The following JAKMIP2 variants were observed in gnomAD, a reference collection of about 807,000 sequenced individuals.
JAKMIP2 encodes the protein janus kinase and microtubule interacting protein 2, also known as janus kinase and microtubule-interacting protein 2.
In JAKMIP2, 25 loss-of-function variants were observed where a neutral mutation model predicts 115.0. That is an observed-to-expected ratio of 0.22 (90% CI 0.16 to 0.30). JAKMIP2 has a LOEUF of 0.30. Among genes scored for constraint, JAKMIP2 ranks in the 10% least tolerant of loss-of-function variants. The pLI is 1.00. For synonymous variants in JAKMIP2, 334 were observed against 343.6 expected (o/e 0.97, Z 0.31); for missense variants, 642 against 957.6 (o/e 0.67, Z 4.35).
chr5:147,645,077 A>T, intron 5 of JAKMIP2, 81 bp from the exon 6 acceptor site: 1 of 1,301,586 alleles, frequency 7.7e-7, no homozygotes, highest in Non-Finnish European at 1.1e-6. Context: ...GAGTGAAAGC[A>T]CCTCTGGAGA....
chr5:147,599,421 T>C (rs1333420674), intron 21 of JAKMIP2, among the ~76,000 whole-genome samples: 1 of 152,228 alleles, frequency 6.6e-6, no homozygotes, highest in Non-Finnish European at 1.5e-5. Context: ...CTCTAACCTC[T>C]CAGCCATTTT....
intron 20 of JAKMIP2, among the ~76,000 whole-genome samples, chr5:147,607,570 G>C (rs13289675): frequency 6.6e-6 from 1 of 152,152 alleles, no homozygotes; most frequent in Non-Finnish European, 1.5e-5. Context: ...GCTGGATTTG[G>C]TTTGCCAGTA....
intron 1 of JAKMIP2, among the ~76,000 whole-genome samples, chr5:147,775,836 T>C (rs2127086359): frequency 6.6e-6 from 1 of 152,346 alleles, no homozygotes; most frequent in East Asian, 1.9e-4. Flanking sequence ...ATGCATTTTG[T>C]ACCAAGGCAT....
At chr5:147,651,973 T>C (rs1047698632) in intron 3 of JAKMIP2, among the ~76,000 whole-genome samples, 16 of 152,194 alleles carry the variant, frequency 1.1e-4, no homozygotes, top group African/African-American at 2.9e-4. Context: ...TTTCATGAGT[T>C]GACATAGCTC....
At chr5:147,706,018 T>C (rs1752546655) in intron 1 of JAKMIP2, among the ~76,000 whole-genome samples, 1 of 152,216 alleles carries the variant, frequency 6.6e-6, no homozygotes, top group African/African-American at 2.4e-5. Flanking sequence ...GTTATAGGTA[T>C]ACTTGAACAT....
chr5:147,650,175 T>G (rs1758327386), intron 4 of JAKMIP2, among the ~76,000 whole-genome samples, 163 bp downstream of exon 4: 1 of 152,222 alleles, frequency 6.6e-6, no homozygotes, highest in Admixed American at 6.5e-5. Context: ...TAGTTGTCTA[T>G]GAGTTTAGAA....
At chr5:147,768,498 C>A (rs964906879) in intron 1 of JAKMIP2, among the ~76,000 whole-genome samples, 1 of 152,054 alleles carries the variant, frequency 6.6e-6, no homozygotes, top group Non-Finnish European at 1.5e-5. Context: ...TTCAAATATG[C>A]CTCTAGTTCC....
chr5:147,630,944 C>T (rs1371472087), intron 14 of JAKMIP2, among the ~76,000 whole-genome samples: 1 of 152,154 alleles, frequency 6.6e-6, no homozygotes, highest in Non-Finnish European at 1.5e-5. Context: ...GAGGAATCCT[C>T]CCTAAATTAA....
chr5:147,620,842 A>T (rs1016165525), intron 17 of JAKMIP2, 99 bp from the exon 18 acceptor site: 3 of 836,236 alleles, frequency 3.6e-6, no homozygotes, highest in Non-Finnish European at 5.9e-6. Flanking sequence ...ACCATAAGAC[A>T]AATCACTAGT....
At chr5:147,653,140 T>C (rs928725064) in intron 3 of JAKMIP2, among the ~76,000 whole-genome samples, 2 of 152,324 alleles carry the variant, frequency 1.3e-5, no homozygotes, top group African/African-American at 4.8e-5. Context: ...TTCCATGTCT[T>C]TGCTATTGTA....
chr5:147,662,572 A>G (rs1759068085), intron 2 of JAKMIP2, among the ~76,000 whole-genome samples: 1 of 151,946 alleles, frequency 6.6e-6, no homozygotes, highest in Admixed American at 6.6e-5. Flanking sequence ...TGATCCTGTT[A>G]TGCTGTCCTC....
intron 3 of JAKMIP2, among the ~76,000 whole-genome samples, chr5:147,652,704 T>C (rs1237481627): frequency 6.6e-6 from 1 of 152,210 alleles, no homozygotes; most frequent in Non-Finnish European, 1.5e-5. Context: ...TTTTAATGTT[T>C]ATTTTACTTT....
intron 3 of JAKMIP2, among the ~76,000 whole-genome samples, chr5:147,654,734 A>T (rs1165917663): frequency 6.6e-6 from 1 of 152,152 alleles, no homozygotes; most frequent in East Asian, 1.9e-4. Context: ...CCCTGGCCAG[A>T]GCTTCCAATG....
At chr5:147,726,513 C>G (rs1753523825) in intron 1 of JAKMIP2, among the ~76,000 whole-genome samples, 1 of 152,180 alleles carries the variant, frequency 6.6e-6, no homozygotes, top group Non-Finnish European at 1.5e-5. Context: ...TGTTCATCCC[C>G]TCTGTAAAGT....
At chr5:147,666,721 G>A (rs545303689) in intron 2 of JAKMIP2, among the ~76,000 whole-genome samples, 2 of 152,220 alleles carry the variant, frequency 1.3e-5, no homozygotes, top group South Asian at 2.1e-4. Flanking sequence ...TGGACACCTC[G>A]TATTTGCACC....
intron 1 of JAKMIP2, among the ~76,000 whole-genome samples, chr5:147,702,814 T>G (rs147822580): frequency 6.4e-4 from 98 of 152,264 alleles, no homozygotes; most frequent in African/African-American, 2.3e-3. Flanking sequence ...TCCATTTATA[T>G]GAGATAAATT....
At position 147,626,153 on chromosome 5, in the gene JAKMIP2, AT is replaced by A. The variant is rs1393593547; in HGVS notation, c.1996-2465del. ...GAATTACTTGGATGTAGAAACTTTT[AT>A]CTGTGAATCCCACAGACAAGAGATA... On this transcript the variant is annotated intron_variant, in intron 16 of 21. Transcript: ENST00000616793. Among the ~76,000 whole-genome samples the A allele has an allele frequency of 2.0e-5, 3 of 152,200 alleles. No individual in the cohort carries two copies. The East Asian group carries it at 5.8e-4, about 29-fold the overall frequency.
At chr5:147,625,491 A>C (rs1242142708) in intron 16 of JAKMIP2, among the ~76,000 whole-genome samples, 1 of 152,168 alleles carries the variant, frequency 6.6e-6, no homozygotes, top group East Asian at 1.9e-4. Context: ...AATTTCTGTC[A>C]ATCATGGGTT....
chr5:147,620,805 G>A (rs1281276934), intron 17 of JAKMIP2, 62 bp from the exon 18 acceptor site: 7 of 1,147,756 alleles, frequency 6.1e-6, no homozygotes, highest in African/African-American at 3.1e-5. Context: ...CGTACAAATG[G>A]TATTGATTAA....
Sources: allele counts gnomAD v4.1 joint callset (sites outside exome capture counted in the v4.1 genomes callset), GRCh38; gene constraint gnomAD v4.1.1; transcripts MANE v1.5; gene names NCBI Gene and HGNC (gene_info 2026-07-23, HGNC 2026-07-21).